Variants in IFT74 observed in about 807,000 individuals in gnomAD.
IFT74 encodes intraflagellar transport protein 74 homolog.
A neutral mutation model predicts 96.7 loss-of-function variants in IFT74; 92 were observed. The observed-to-expected ratio is 0.95, with a 90% CI of 0.80 to 1.13. The LOEUF is 1.13. Among genes scored for constraint, IFT74 ranks in the 50% most tolerant of loss-of-function variants. The pLI is 0.00. For synonymous variants in IFT74, 223 were observed against 213.2 expected (o/e 1.05, Z -0.40); for missense variants, 811 against 698.2 (o/e 1.16, Z -1.82).
At chr9:27,055,527 AT>A in intron 16 of IFT74, 81 bp from the exon 17 acceptor site, 1 of 904,516 alleles carries the variant, frequency 1.1e-6, no homozygotes, top group South Asian at 1.8e-5. Context: ...AAAAAACATG[AT>A]TTTTAATAGT....
chr9:27,013,199 G>A (rs1029716273), intron 10 of IFT74, among the ~76,000 whole-genome samples: 2 of 152,076 alleles, frequency 1.3e-5, no homozygotes, highest in Non-Finnish European at 2.9e-5. Context: ...GGGTTCCTAC[G>A]TGCTATGCTA....
chr9:27,032,475 A>ATT (rs143107303), intron 13 of IFT74, among the ~76,000 whole-genome samples: 1 of 151,864 alleles, frequency 6.6e-6, no homozygotes, highest in South Asian at 2.1e-4. Context: ...TTTTAAAAAG[A>ATT]TTTTTTTTGT....
At chr9:26,980,504 T>G in intron 3 of IFT74, 67 bp from the exon 4 acceptor site, 1 of 915,598 alleles carries the variant, frequency 1.1e-6, no homozygotes, top group Non-Finnish European at 1.8e-6. Flanking sequence ...ATTCTGATTG[T>G]GCTTTGGATT....
intron 7 of IFT74, among the ~76,000 whole-genome samples, chr9:26,989,471 A>T (rs1827776117): frequency 6.6e-6 from 1 of 152,208 alleles, no homozygotes; most frequent in Admixed American, 6.5e-5. Flanking sequence ...TGAAAATAAC[A>T]TACAATTTAT....
intron 13 of IFT74, among the ~76,000 whole-genome samples, chr9:27,040,458 A>G (rs1173140809): frequency 6.7e-6 from 1 of 148,884 alleles, no homozygotes; most frequent in Non-Finnish European, 1.5e-5. Flanking sequence ...CTGAGGTAGG[A>G]GAATCGCTTG....
chr9:27,002,993 G>T (rs1190304562), intron 8 of IFT74, among the ~76,000 whole-genome samples: 1 of 151,826 alleles, frequency 6.6e-6, no homozygotes, highest in Non-Finnish European at 1.5e-5. Context: ...TTGTTATATA[G>T]ATATTTCACT....
Position 27,047,372 on chromosome 9 carries a change from G to GT in IFT74, c.1206+2dup, listed in dbSNP as rs748479839. On this transcript the variant is annotated splice_donor_variant, in intron 15 of 19. Transcript: ENST00000380062. LOFTEE classifies it high-confidence loss of function. ...TGCACTCTTGGAGCACTGCAGTCGAGTGAGTACCATGTGCCTGTCTTGGTG... is the reference window on the plus strand; with the variant it reads ...TGCACTCTTGGAGCACTGCAGTCGAGTTGAGTACCATGTGCCTGTCTTGGTG... 4.4e-6 allele frequency: 7 copies of GT among 1,588,696 alleles called. No individual in the cohort carries two copies. Among genetic ancestry groups the GT allele is most frequent in the South Asian group, 1.1e-5 (1 of 89,682 alleles).
intron 8 of IFT74, among the ~76,000 whole-genome samples, chr9:27,002,184 T>C (rs1467779262): frequency 6.6e-6 from 1 of 152,130 alleles, no homozygotes; most frequent in East Asian, 1.9e-4. Flanking sequence ...CAGGCTGGAG[T>C]GCAGTGATGC....
intron 19 of IFT74, 97 bp from the exon 20 acceptor site, chr9:27,062,521 A>G (rs1428339210): frequency 6.0e-6 from 4 of 664,258 alleles, no homozygotes; most frequent in African/African-American, 3.8e-5. Flanking sequence ...GCTTTTTTGT[A>G]CCATCTTCAG....
At chr9:27,056,952 C>A (rs1169909680) in intron 18 of IFT74, among the ~76,000 whole-genome samples, 1 of 151,856 alleles carries the variant, frequency 6.6e-6, no homozygotes, top group Non-Finnish European at 1.5e-5. Context: ...ACATTTATTT[C>A]TATGCATTTA....
At chr9:26,948,418 CTGTT>C (rs970445898) in intron 1 of IFT74, among the ~76,000 whole-genome samples, 3 of 108,024 alleles carry the variant, frequency 2.8e-5, no homozygotes, top group Non-Finnish European at 4.2e-5. Context: ...TGTTTTTTCT[CTGTT>C]TGACAACCTG....
intron 16 of IFT74, among the ~76,000 whole-genome samples, chr9:27,054,592 A>G (rs1485044966): frequency 2.0e-5 from 3 of 152,190 alleles, no homozygotes; most frequent in African/African-American, 4.8e-5. Flanking sequence ...CATTATTCAT[A>G]TATTTCATAT....
rs148916537 is a variant in IFT74, at chr9:27,064,959, C to A, written c.*2223C>A. Among the ~76,000 whole-genome samples, 606 of 152,114 alleles carry A rather than the reference C, an allele frequency of 4.0e-3. 3 individuals are homozygous for A. Among genetic ancestry groups the A allele is most frequent in the African/African-American group, 0.014 (581 of 41,526 alleles). The stretch of plus-strand genomic sequence containing the variant: ...AATGCAATAAAATTCAAATAAAGTA[C>A]TATATGCAGTTACTACTTTAACTGA... On this transcript the variant is annotated 3_prime_UTR_variant, in exon 20 of 20. Coordinates refer to ENST00000380062, the MANE Select transcript of IFT74 (RefSeq NM_025103.4).
At chr9:27,014,137 C>T (rs1016309539) in intron 10 of IFT74, among the ~76,000 whole-genome samples, 4 of 152,104 alleles carry the variant, frequency 2.6e-5, no homozygotes, top group Non-Finnish European at 1.5e-5. Flanking sequence ...ATGGCATGAA[C>T]CCAGGAGGCA....
intron 14 of IFT74, 123 bp from the exon 15 acceptor site, chr9:27,047,151 A>AT: frequency 1.8e-6 from 1 of 545,618 alleles, no homozygotes; most frequent in Non-Finnish European, 3.2e-6. Context: ...CAGCCTGGCA[A>AT]CAGAGTGAGA....
chr9:27,017,162 TA>T (rs1352375188), intron 11 of IFT74, 112 bp downstream of exon 11: 2 of 686,926 alleles, frequency 2.9e-6, no homozygotes, highest in African/African-American at 1.8e-5. Context: ...GTGTATTGTC[TA>T]AAAATAGTTT....
intron 8 of IFT74, among the ~76,000 whole-genome samples, chr9:27,004,279 A>G (rs1293335275): frequency 1.3e-5 from 2 of 152,242 alleles, no homozygotes; most frequent in African/African-American, 4.8e-5. Flanking sequence ...TAAGGATTAG[A>G]AAAGGATTTT....
At chr9:26,998,126 G>T in intron 8 of IFT74, 1 of 1,611,970 alleles carries the variant, frequency 6.2e-7, no homozygotes, top group Non-Finnish European at 8.5e-7. Flanking sequence ...TAGAACTCTT[G>T]TGTCTGTACC....
intron 6 of IFT74, among the ~76,000 whole-genome samples, chr9:26,985,355 A>C (rs1416215596): frequency 1.7e-4 from 26 of 152,198 alleles, no homozygotes; most frequent in Admixed American, 1.7e-3. Context: ...TAGCTTAGTT[A>C]CCTAGGTGAT....
Sources: gnomAD v4.1 joint callset for allele counts (sites outside exome capture counted in the v4.1 genomes callset) on GRCh38, gnomAD v4.1.1 for gene constraint, MANE v1.5 for transcripts, NCBI Gene and HGNC (gene_info 2026-07-23, HGNC 2026-07-21) for gene names.